Variants in TMEM184B observed in about 807,000 individuals in gnomAD.
TMEM184B encodes putative MAPK-activating protein FM08.
TMEM184B carries 17 observed loss-of-function variants against 41.8 expected under a neutral mutation model. The observed-to-expected ratio is 0.41, with a 90% CI of 0.28 to 0.61. The LOEUF (loss-of-function observed/expected upper bound fraction) is 0.61, where lower values mean the gene tolerates loss of function less well. TMEM184B is among the 20% of genes least tolerant of loss of function. The probability of loss-of-function intolerance (pLI) is 0.34; values close to 1 mark genes in which losing one functional copy is unlikely to be tolerated. For synonymous variants in TMEM184B, 240 were observed against 229.5 expected, an observed-to-expected ratio of 1.05 and a Z score of -0.41; for missense variants, 393 against 557.8, an observed-to-expected ratio of 0.70 and a Z score of 2.98.
intron 3 of TMEM184B, among the ~76,000 whole-genome samples, chr22:38,235,891 C>A (rs1415673625): frequency 6.6e-6 from 1 of 152,244 alleles, no homozygotes; most frequent in East Asian, 1.9e-4. Flanking sequence ...GGGAAGCTCA[C>A]TGCCCACCGC....
At chr22:38,246,876 G>C (rs1462452391) in intron 2 of TMEM184B, 1 of 1,302,826 alleles carries the variant, frequency 7.7e-7, no homozygotes, top group Admixed American at 2.3e-5. Context: ...TGGCCCAGCC[G>C]AGCCCTGGGC....
rs375361884 is a variant in TMEM184B, at chr22:38,220,020, C to T, written c.*1449G>A. On this transcript the variant is annotated 3_prime_UTR_variant, in exon 9 of 9. Transcript: ENST00000361906. ...AAAAGAAAGAATCCCCAGTGAACACCGGCAGGGTCCCTCTCCCTTACCCTA... is the reference window on the plus strand; with the variant it reads ...AAAAGAAAGAATCCCCAGTGAACACTGGCAGGGTCCCTCTCCCTTACCCTA... 14 of 985,472 alleles carry T rather than the reference C, an allele frequency of 1.4e-5. No individual in the cohort carries two copies. Among genetic ancestry groups the T allele is most frequent in the African/African-American group, 5.2e-5 (3 of 57,366 alleles). The allele number at this position is 985,472 out of a possible 1,614,324, so 61.0% of individuals were successfully genotyped here.
chr22:38,236,699 A>G (rs2091782207), intron 3 of TMEM184B, among the ~76,000 whole-genome samples: 1 of 152,106 alleles, frequency 6.6e-6, no homozygotes, highest in African/African-American at 2.4e-5. Flanking sequence ...CATGTTGCCC[A>G]GGCTGGTCTT....
In TMEM184B at chr22:38,220,937, G is replaced by C. The variant is rs2091239572; in HGVS notation, c.*532C>G. 1 of 988,040 alleles carries C rather than the reference G, an allele frequency of 1.0e-6. No individual in the cohort carries two copies. The highest frequency in any genetic ancestry group is 6.0e-5 in the Admixed American group (1 of 16,570). The allele number at this position is 988,040 out of a possible 1,614,324, so 61.2% of individuals were successfully genotyped here. On this transcript the variant is annotated 3_prime_UTR_variant, in exon 9 of 9. Transcript: ENST00000361906. ...GCCACAGAGGCCTGGGTCAGGAGGG[G>C]AGGACCACAGAGCGCCCACATCCCC...
intron 3 of TMEM184B, among the ~76,000 whole-genome samples, chr22:38,242,095 G>T (rs945119233): frequency 1.3e-5 from 2 of 151,904 alleles, no homozygotes; most frequent in Non-Finnish European, 2.9e-5. Flanking sequence ...GGAGTTTCGT[G>T]TTTCAACCAT....
intron 3 of TMEM184B, among the ~76,000 whole-genome samples, chr22:38,242,055 G>C (rs2091922145): frequency 6.6e-6 from 1 of 151,994 alleles, no homozygotes; most frequent in South Asian, 2.1e-4. Context: ...AGAGTTGAAA[G>C]TACAGTGAAC....
At position 38,220,838 on chromosome 22, in the gene TMEM184B, T is replaced by C; in HGVS notation, c.*631A>G. The C allele has an allele frequency of 3.0e-6, 3 of 986,068 alleles. No individual in the cohort carries two copies. The highest frequency in any genetic ancestry group is 3.6e-6 in the Non-Finnish European group (3 of 830,108). 61.1% of individuals were successfully genotyped at this position (986,068 alleles called of 1,614,324 possible). A position where few individuals can be genotyped will look rare whatever the true frequency, so the allele number is the denominator to read the frequency against. ...GAAGCCCCTGCTTCAACAGAAGCGG[T>C]GCCCAGGGGCCCTGAATGCCCTTCC... On this transcript the variant is annotated 3_prime_UTR_variant, in exon 9 of 9. Transcript: ENST00000361906.
At chr22:38,216,410 A>G (rs1475339029), downstream of TMEM184B, 1 of 166,974 alleles carries the variant, frequency 6.0e-6, no homozygotes, top group East Asian at 1.9e-4. Flanking sequence ...CGGCTCCTAG[A>G]ATTTATTTAT....
intron 1 of TMEM184B, chr22:38,272,667 G>A: frequency 2.2e-5 from 22 of 985,526 alleles, no homozygotes; most frequent in Non-Finnish European, 2.7e-5. Flanking sequence ...GCACACCCAC[G>A]GGCGACCTCG....
chr22:38,243,151 G>A (rs59582666), intron 3 of TMEM184B, among the ~76,000 whole-genome samples: 2,498 of 152,258 alleles, frequency 0.016, 82 homozygotes, highest in African/African-American at 0.057. Context: ...AGGCCAAAGG[G>A]ATAATCGCGT....
chr22:38,218,496 G>T (rs1304332332), downstream of TMEM184B, among the ~76,000 whole-genome samples: 1 of 151,544 alleles, frequency 6.6e-6, no homozygotes, highest in Non-Finnish European at 1.5e-5. Flanking sequence ...ACAGACCGAG[G>T]TGAGGCCAAC....
Position 38,235,531 on chromosome 22 carries a change from C to G in TMEM184B, c.359-4197G>C, listed in dbSNP as rs547882289. Among the ~76,000 whole-genome samples, 190 of 152,336 alleles carry G rather than the reference C, an allele frequency of 1.2e-3. 2 individuals carry two copies. The highest frequency in any genetic ancestry group is 4.4e-3 in the African/African-American group (184 of 41,578). On this transcript the variant is annotated intron_variant, in intron 3 of 8. Coordinates refer to ENST00000361906, the MANE Select transcript of TMEM184B (RefSeq NM_012264.5). ...TCCCTCTCAGTTCAAGATTCTTGAC[C>G]TTTTGGAGGTGCTCTGGGGCCAGCC...
chr22:38,270,388 G>T (rs1010258695), intron 1 of TMEM184B, among the ~76,000 whole-genome samples: 2 of 152,346 alleles, frequency 1.3e-5, no homozygotes, highest in East Asian at 3.9e-4. Context: ...ATTAAATACA[G>T]TAATTCATGA....
chr22:38,268,405 A>C (rs918008857), intron 1 of TMEM184B, among the ~76,000 whole-genome samples: 1 of 150,210 alleles, frequency 6.7e-6, no homozygotes, highest in Non-Finnish European at 1.5e-5. Context: ...GAATTCTGGC[A>C]GACTCAGACG....
At chr22:38,221,756 T>C (rs750211533) in intron 8 of TMEM184B, 46 bp from the exon 9 acceptor site, 1 of 1,600,354 alleles carries the variant, frequency 6.2e-7, no homozygotes, top group South Asian at 1.1e-5. Flanking sequence ...GCTGGGACGG[T>C]GAGAGGGAGG....
chr22:38,271,590 G>A (rs997779741), intron 1 of TMEM184B, among the ~76,000 whole-genome samples: 8 of 151,440 alleles, frequency 5.3e-5, no homozygotes, highest in Non-Finnish European at 8.8e-5. Context: ...CCCCCTCCCC[G>A]GGAACTGAAC....
chr22:38,255,744 G>A (rs537281230), intron 1 of TMEM184B, among the ~76,000 whole-genome samples: 2 of 152,206 alleles, frequency 1.3e-5, no homozygotes, highest in Non-Finnish European at 2.9e-5. Flanking sequence ...ATGGATCTCA[G>A]GGGTGTTACA....
At chr22:38,253,572 AAAATAAAT>A (rs902286419) in intron 1 of TMEM184B, among the ~76,000 whole-genome samples, 1 of 152,132 alleles carries the variant, frequency 6.6e-6, no homozygotes. Flanking sequence ...CTCCATCTCA[AAAATAAAT>A]AAATAAATAA....
At chr22:38,236,863 G>T (rs2091785717) in intron 3 of TMEM184B, among the ~76,000 whole-genome samples, 1 of 152,134 alleles carries the variant, frequency 6.6e-6, no homozygotes, top group African/African-American at 2.4e-5. Context: ...AAGCAATCAG[G>T]CTGGGTAACC....
Sources: allele counts gnomAD v4.1 joint callset (sites outside exome capture counted in the v4.1 genomes callset), GRCh38; gene constraint gnomAD v4.1.1; transcripts MANE v1.5; gene names NCBI Gene and HGNC (gene_info 2026-07-23, HGNC 2026-07-21).